Variants in TNXB observed in about 807,000 individuals in gnomAD.
TNXB encodes the protein tenascin-X.
In TNXB, 183 loss-of-function variants were observed where a neutral mutation model predicts 340.5. That is an observed-to-expected ratio of 0.54 (90% CI 0.48 to 0.61). TNXB has a LOEUF of 0.61. Ranked by LOEUF, TNXB falls within the 20% of genes least tolerant of loss-of-function variation. TNXB has a pLI of 0.00. For missense variants in TNXB, 4,613 were observed against 5,446.4 expected (o/e 0.85, Z 4.82); for synonymous variants, 2,121 against 2,314.5 (o/e 0.92, Z 2.40).
chr6:32,102,780 C>A (rs1042529970), intron 1 of TNXB, among the ~76,000 whole-genome samples: 2 of 152,164 alleles, frequency 1.3e-5, no homozygotes, highest in African/African-American at 4.8e-5. Flanking sequence ...ATTAGCTGGG[C>A]ATGGTGGCAC....
Position 32,074,908 on chromosome 6 carries a change from G to T in TNXB, c.4376-956C>A, listed in dbSNP as rs1042215856. On this transcript the variant is annotated intron_variant, in intron 11 of 43. Coordinates refer to ENST00000644971, the MANE Select transcript of TNXB (RefSeq NM_001365276.2). The surrounding 1 kb of genome is among the most constrained non-coding windows in gnomAD (Gnocchi z 5.5). ...TTAGTCAGGTTGGTCTTGAACTCCC[G>T]ACCTCAGGTGATCCGCCCGCCTCGG... Among the ~76,000 whole-genome samples, 14 of 152,160 alleles carry T rather than the reference G, an allele frequency of 9.2e-5. No homozygotes were observed. The highest frequency in any genetic ancestry group is 5.9e-4 in the Admixed American group (9 of 15,284).
intron 1 of TNXB, among the ~76,000 whole-genome samples, chr6:32,106,997 A>G (rs911042238): frequency 4.6e-5 from 7 of 152,284 alleles, no homozygotes; most frequent in African/African-American, 7.2e-5. Context: ...ACACACGTGC[A>G]CACACACCCA....
At position 32,049,469 on chromosome 6, in the gene TNXB, C is replaced by G; in HGVS notation, c.9558G>C (p.Trp3186Cys). The change falls in exon 28 of 44, where the codon TGG becomes TGC. Residue 3186 changes from tryptophan to cysteine, a missense_variant. Around this residue, in one of 7 missense-constraint regions of TNXB, gnomAD observed 4,327 missense variants for 4,859.4 expected, o/e 0.89. Coordinates refer to ENST00000644971, the MANE Select transcript of TNXB (RefSeq NM_001365276.2). This position sits in a 1 kb window ranked among gnomAD's most constrained non-coding sequence, Gnocchi z 4.5. ...GSSPDSLSLS[W>C]TVPQGRFDSF... The stretch of plus-strand genomic sequence containing the variant: ...AGTCGAAGCGGCCCTGGGGGACGGT[C>G]CAGGAGAGGCTCAGCGAGTCAGGGG... The G allele has an allele frequency of 6.2e-7, 1 of 1,612,668 alleles. No homozygotes were observed. The highest frequency in any genetic ancestry group is 8.5e-7 in the Non-Finnish European group (1 of 1,179,852).
Position 32,080,273 on chromosome 6 carries a change from C to T in TNXB, c.4043-908G>A, listed in dbSNP as rs565895837. Among the ~76,000 whole-genome samples the T allele has an allele frequency of 3.4e-4, 52 of 151,916 alleles. No homozygotes were observed. The highest frequency in any genetic ancestry group is 1.2e-3 in the African/African-American group (50 of 41,422). On this transcript the variant is annotated intron_variant, in intron 10 of 43. Transcript: ENST00000644971. The surrounding 1 kb of genome is among the most constrained non-coding windows in gnomAD (Gnocchi z 4.3). ...TCGCCCAGGCTGGAATGCAGTGGCG[C>T]GATCTCGGCTCACTGCAAGCTCCGC...
chr6:32,067,578 G>A lies in TNXB; in HGVS notation c.6544+83C>T. 6.6e-7 allele frequency: 1 copy of A among 1,516,922 alleles called. No individual in the cohort carries two copies. Among genetic ancestry groups the A allele is most frequent in the Non-Finnish European group, 8.8e-7 (1 of 1,131,610 alleles). The allele number at this position is 1,516,922 out of a possible 1,614,324, so 94.0% of individuals were successfully genotyped here. ...GTGTATTACAGGTTTGAGGTCTTGG[G>A]GTTCTGGGTCCCTAGTGGAGGAGAT... is the stretch of plus-strand genomic sequence containing the variant. On this transcript the variant is annotated intron_variant, in intron 18 of 43. Coordinates refer to ENST00000644971, the MANE Select transcript of TNXB (RefSeq NM_001365276.2). This position sits in a 1 kb window ranked among gnomAD's most constrained non-coding sequence, Gnocchi z 4.2.
chr6:32,049,120 T>C lies in TNXB; in HGVS notation c.9757+150A>G. 1 of 1,201,630 alleles carries C rather than the reference T, an allele frequency of 8.3e-7. No individual in the cohort carries two copies. Among genetic ancestry groups the C allele is most frequent in the Non-Finnish European group, 1.1e-6 (1 of 887,090 alleles). 74.4% of individuals were successfully genotyped at this position (1,201,630 alleles called of 1,614,324 possible). A position where few individuals can be genotyped will look rare whatever the true frequency, so the allele number is the denominator to read the frequency against. On this transcript the variant is annotated intron_variant, in intron 28 of 43. Coordinates refer to ENST00000644971, the MANE Select transcript of TNXB (RefSeq NM_001365276.2). This position sits in a 1 kb window ranked among gnomAD's most constrained non-coding sequence, Gnocchi z 4.5. ...CCCATCTGACTCCACACAGTCTCCA[T>C]GAATCCAAGGATGAGGCAGGATCAT...
chr6:32,053,304 G>C, intron 25 of TNXB, 84 bp downstream of exon 25: 2 of 1,534,490 alleles, frequency 1.3e-6, no homozygotes, highest in Non-Finnish European at 1.8e-6. Flanking sequence ...AGAGCAGAGG[G>C]GCTTCCTGGG....
rs952878029 is a variant in TNXB at position 32,074,742 on chromosome 6, G to A, written c.4376-790C>T. Among the ~76,000 whole-genome samples the A allele has an allele frequency of 8.6e-5, 13 of 151,960 alleles. No individual in the cohort carries two copies. Among genetic ancestry groups the A allele is most frequent in the Non-Finnish European group, 8.8e-5 (6 of 67,986 alleles). ...GTTGCTCAGGCTGGTGTGCGATGGC[G>A]CCCTCTCGGCTCACCGCAACCTACG... On this transcript the variant is annotated intron_variant, in intron 11 of 43. Transcript: ENST00000644971. The surrounding 1 kb of genome is among the most constrained non-coding windows in gnomAD (Gnocchi z 5.5).
rs774157030 is a variant in TNXB, at chr6:32,056,152, G to A, written c.8166C>T (p.Ser2722=). Residue 2722 remains serine, a synonymous_variant, in exon 24 of 44, where the codon AGC becomes AGT. Transcript: ENST00000644971. ...GVTAAEEETP[S]PTELSTEAPE... ...GGGCCTCAGTGCTGAGTTCCGTGGG[G>A]CTGGGGGTCTCTTCCTCTGCAGCTG... 5 of 1,611,870 alleles carry A rather than the reference G, an allele frequency of 3.1e-6. No individual in the cohort carries two copies. The East Asian group carries it at 8.9e-5, about 29-fold the overall frequency.
intron 6 of TNXB, among the ~76,000 whole-genome samples, chr6:32,088,500 C>T (rs1194291252): frequency 6.6e-6 from 1 of 152,182 alleles, no homozygotes; most frequent in East Asian, 1.9e-4. Flanking sequence ...AAGAACCTCC[C>T]TTAACTGACT....
intron 24 of TNXB, 64 bp from the exon 25 acceptor site, chr6:32,053,775 G>A: frequency 6.4e-7 from 1 of 1,558,094 alleles, no homozygotes. Flanking sequence ...GAAAGGATGT[G>A]TCACAAAACA....
chr6:32,046,054 G>T lies in TNXB; in HGVS notation c.10606+121C>A. ...GGCTGCAGACTCCTCCTCCTTCCTG[G>T]GGACAGGCCAGGGCGCCCCACTCCG... On this transcript the variant is annotated intron_variant, in intron 31 of 43. Transcript: ENST00000644971. This position sits in a 1 kb window ranked among gnomAD's most constrained non-coding sequence, Gnocchi z 6.9. 1 of 1,448,324 alleles carries T rather than the reference G, an allele frequency of 6.9e-7. No homozygotes were observed. Among genetic ancestry groups the T allele is most frequent in the Non-Finnish European group, 9.0e-7 (1 of 1,105,340 alleles). The allele number at this position is 1,448,324 out of a possible 1,614,324, so 89.7% of individuals were successfully genotyped here. A position where few individuals can be genotyped will look rare whatever the true frequency, so the allele number is the denominator to read the frequency against.
chr6:32,055,499 T>C (rs890144180), intron 24 of TNXB, among the ~76,000 whole-genome samples: 2 of 152,132 alleles, frequency 1.3e-5, no homozygotes, highest in African/African-American at 4.8e-5. Flanking sequence ...CCTTCTGTCT[T>C]CCTTCACGGC....
In TNXB at chr6:32,085,251, G is replaced by T. The variant is rs1779702906; in HGVS notation, c.3148+499C>A. On this transcript the variant is annotated intron_variant, in intron 7 of 43. Coordinates refer to ENST00000644971, the MANE Select transcript of TNXB (RefSeq NM_001365276.2). The surrounding 1 kb of genome is among the most constrained non-coding windows in gnomAD (Gnocchi z 6.4). ...GCTGTGGAGCCCCCTGCCCCAAGGA[G>T]CCTTCACCCCCAGCAGAAACTGGCT... Among the ~76,000 whole-genome samples, 2 of 152,164 alleles carry T rather than the reference G, an allele frequency of 1.3e-5. No homozygotes were observed. The highest frequency in any genetic ancestry group is 1.3e-4 in the Admixed American group (2 of 15,280).
At chr6:32,106,407 G>T (rs1049598033) in intron 1 of TNXB, among the ~76,000 whole-genome samples, 15 of 152,128 alleles carry the variant, frequency 9.9e-5, no homozygotes, top group African/African-American at 3.6e-4. Flanking sequence ...AGAGGCTGGG[G>T]AAAGGAGGAG....
intron 1 of TNXB, among the ~76,000 whole-genome samples, chr6:32,105,630 C>A (rs577362108): frequency 6.6e-5 from 10 of 152,314 alleles, no homozygotes; most frequent in African/African-American, 2.4e-4. Flanking sequence ...AAGGTCAGGG[C>A]TAGGACCACG....
At chr6:32,086,883 G>C (rs767758181) in intron 6 of TNXB, among the ~76,000 whole-genome samples, 1 of 152,232 alleles carries the variant, frequency 6.6e-6, no homozygotes, top group South Asian at 2.1e-4. Flanking sequence ...GAGTCAGAAC[G>C]GGAATCACTG....
chr6:32,079,364 A>G lies in TNXB; in HGVS notation c.4044T>C (p.Ala1348=), dbSNP rs571167781. The G allele has an allele frequency of 2.3e-5, 37 of 1,597,642 alleles. No individual in the cohort carries two copies. The Admixed American group carries it at 4.0e-4, about 17-fold the overall frequency. Residue 1348 remains alanine, a splice_region_variant and synonymous_variant, in exon 11 of 44, where the codon GCT becomes GCC. Coordinates refer to ENST00000644971, the MANE Select transcript of TNXB (RefSeq NM_001365276.2). The surrounding 1 kb of genome is among the most constrained non-coding windows in gnomAD (Gnocchi z 7.1). ...GGGTCTCGTCCACATCCTCCTGAGGAGCTGAGAGAAGAGATAGAGGCATAA... is the reference window on the plus strand; with the variant it reads ...GGGTCTCGTCCACATCCTCCTGAGGGGCTGAGAGAAGAGATAGAGGCATAA... ...VGPESVVAKT[A]PQEDVDETPS...
rs762844485 is a variant in TNXB, at chr6:32,052,836, A to G, written c.8949T>C (p.Thr2983=). 78 of 1,613,376 alleles carry G rather than the reference A, an allele frequency of 4.8e-5. 2 individuals are homozygous for G. Among genetic ancestry groups the G allele is most frequent in the East Asian group, 4.2e-4 (19 of 44,882 alleles). Residue 2983 remains threonine (T), a synonymous_variant, in exon 26 of 44, where the codon ACT becomes ACC. Transcript: ENST00000644971. The surrounding 1 kb of genome is among the most constrained non-coding windows in gnomAD (Gnocchi z 4.7). Reference sequence around the variant, plus strand: ...GCCCGTCCCTGTCCTTGTACTGCACAGTGAAGGAGTCGAAGCGGCCCTGGG... The same window carrying G: ...GCCCGTCCCTGTCCTTGTACTGCACGGTGAAGGAGTCGAAGCGGCCCTGGG... The part of the protein sequence containing the change: ...TIPQGRFDSF[T]VQYKDRDGRP...
Sources: allele counts gnomAD v4.1 joint callset (sites outside exome capture counted in the v4.1 genomes callset), GRCh38; gene constraint gnomAD v4.1.1; regional missense constraint gnomAD v4.1.1; non-coding constraint Gnocchi (gnomAD v3.1); transcripts MANE v1.5; gene names NCBI Gene and HGNC (gene_info 2026-07-23, HGNC 2026-07-21).